Variants in SLC4A10 observed in about 807,000 individuals in gnomAD.
SLC4A10 encodes the protein solute carrier family 4 member 10, also known as sodium-driven chloride bicarbonate exchanger.
In SLC4A10, 42 loss-of-function variants were observed where a neutral mutation model predicts 137.7. That is an observed-to-expected ratio of 0.30 (90% confidence interval 0.24 to 0.39). The LOEUF (loss-of-function observed/expected upper bound fraction) is 0.39, where lower values mean the gene tolerates loss of function less well. Ranked by LOEUF, SLC4A10 falls within the 10% of genes least tolerant of loss-of-function variation. The probability of loss-of-function intolerance (pLI) is 1.00; values close to 1 mark genes in which losing one functional copy is unlikely to be tolerated. For synonymous variants in SLC4A10, 474 were observed against 464.1 expected (o/e 1.02, Z -0.27); for missense variants, 925 against 1,355.0 (o/e 0.68, Z 4.98).
At chr2:161,972,431 G>A (rs1698702905) in intron 23 of SLC4A10, among the ~76,000 whole-genome samples, 1 of 152,050 alleles carries the variant, frequency 6.6e-6, no homozygotes, top group Non-Finnish European at 1.5e-5. Context: ...CTCAATCTAG[G>A]CTGCAGATCA....
At chr2:161,932,487 A>G (rs1408382697) in intron 15 of SLC4A10, among the ~76,000 whole-genome samples, 1 of 152,226 alleles carries the variant, frequency 6.6e-6, no homozygotes, top group Non-Finnish European at 1.5e-5. Context: ...TGGACATGCT[A>G]CTGAGCTTTA....
At position 161,667,371 on chromosome 2, in the gene SLC4A10, G is replaced by T. The variant is rs369885873; in HGVS notation, c.48+42805G>T. On this transcript the variant is annotated intron_variant, in intron 1 of 26. Transcript: ENST00000446997. ...AAACTAATGTCTCTGCCTTCCAAGG[G>T]CTTAGACTCTAGTGGGGAAGACAAG... 1.3e-3 allele frequency among the ~76,000 whole-genome samples: 191 copies of T among 151,730 alleles called. 1 individual carries two copies. The highest frequency in any genetic ancestry group is 2.9e-3 in the Admixed American group (44 of 15,190).
rs2060521133 is a variant in SLC4A10, at chr2:161,863,022, T to G, written c.726T>G (p.Ile242Met). 6.2e-7 allele frequency: 1 copy of G among 1,613,812 alleles called. No homozygotes were observed. The highest frequency in any genetic ancestry group is 1.7e-5 in the Admixed American group (1 of 59,986). ...RIPIVRSFAD[I>M]GKKQSEPNSM... ...CCATTGTTCGTTCCTTTGCTGATAT[T>G]GGCAAGAAACAGTCAGAACCAAATT... The change falls in exon 6 of 27, where the codon ATT becomes ATG. Residue 242 changes from isoleucine (I) to methionine (M), a missense_variant. By Grantham distance (10) the Ile-to-Met change is conservative. This residue lies in a region of SLC4A10 where 277 missense variants were observed against 306.1 expected (regional missense o/e 0.90). Coordinates refer to ENST00000446997, the MANE Select transcript of SLC4A10 (RefSeq NM_001178015.2).
chr2:161,873,968 G>A lies in SLC4A10; in HGVS notation c.911G>A (p.Arg304Lys), dbSNP rs1332160021. ...GHTSPCGMKQ[R>K]HEKGPPHQQE... ...ACTAGTCCATGTGGGATGAAACAAA[G>A]GCATGAAAAAGGACCTCCACACCAG... Residue 304 changes from arginine (R) to lysine (K), a missense_variant, in exon 8 of 27, where the codon AGG becomes AAG. Transcript: ENST00000446997. 11 of 1,594,540 alleles carry A rather than the reference G, an allele frequency of 6.9e-6. No homozygotes were observed. The highest frequency in any genetic ancestry group is 8.5e-6 in the Non-Finnish European group (10 of 1,178,088).
At chr2:161,757,887 A>G (rs1468849435) in intron 1 of SLC4A10, among the ~76,000 whole-genome samples, 1 of 152,130 alleles carries the variant, frequency 6.6e-6, no homozygotes, top group Non-Finnish European at 1.5e-5. Context: ...TCAATTACAT[A>G]CAAACTTAAC....
At chr2:161,705,543 G>A (rs1457337153) in intron 1 of SLC4A10, among the ~76,000 whole-genome samples, 2 of 151,642 alleles carry the variant, frequency 1.3e-5, no homozygotes, top group African/African-American at 4.8e-5. Context: ...TGGTCTGAAT[G>A]TTCTTGCATC....
At chr2:161,634,784 C>A (rs939261433) in intron 1 of SLC4A10, among the ~76,000 whole-genome samples, 1 of 151,890 alleles carries the variant, frequency 6.6e-6, no homozygotes, top group African/African-American at 2.4e-5. Flanking sequence ...CTGTACTGTA[C>A]AATAGAACAC....
At chr2:161,930,912 T>C (rs191357739) in intron 15 of SLC4A10, among the ~76,000 whole-genome samples, 116 of 143,414 alleles carry the variant, frequency 8.1e-4, no homozygotes, top group Admixed American at 3.2e-3. Context: ...TGTTTTTGTT[T>C]TGTTTTGTTT....
At chr2:161,980,439 G>A (rs543004839) in intron 26 of SLC4A10, among the ~76,000 whole-genome samples, 11 of 152,202 alleles carry the variant, frequency 7.2e-5, no homozygotes, top group African/African-American at 2.4e-4. Context: ...ACTTGAGCTC[G>A]GGAGCTCAAG....
At position 161,904,880 on chromosome 2, in the gene SLC4A10, G is replaced by A. The variant is rs1430917819; in HGVS notation, c.1722G>A (p.Val574=). ...TILGSTGPVL[V]FEKILFKFCK... ...TAGGCAGTACAGGACCAGTTTTGGT[G>A]TTTGAAAAGATTTTGTTTAAATTTT... is the stretch of plus-strand genomic sequence containing the variant. The change falls in exon 14 of 27, where the codon GTG becomes GTA. Residue 574 remains valine, a synonymous_variant. Coordinates refer to ENST00000446997, the MANE Select transcript of SLC4A10 (RefSeq NM_001178015.2). 1 of 1,613,776 alleles carries A rather than the reference G, an allele frequency of 6.2e-7. No individual in the cohort carries two copies. Among genetic ancestry groups the A allele is most frequent in the African/African-American group, 1.3e-5 (1 of 74,898 alleles).
chr2:161,949,644 G>A (rs73003574), intron 18 of SLC4A10, among the ~76,000 whole-genome samples: 1,644 of 152,016 alleles, frequency 0.011, 28 homozygotes, highest in African/African-American at 0.037. Flanking sequence ...AATTCTGACC[G>A]TGTTACTAAT....
intron 4 of SLC4A10, among the ~76,000 whole-genome samples, chr2:161,845,030 C>T (rs2059406092): frequency 6.6e-6 from 1 of 152,010 alleles, no homozygotes; most frequent in South Asian, 2.1e-4. Flanking sequence ...GCTGTTCAAA[C>T]AAATGTCAGC....
chr2:161,714,502 T>C (rs1224970898), intron 1 of SLC4A10, among the ~76,000 whole-genome samples: 1 of 151,942 alleles, frequency 6.6e-6, no homozygotes, highest in Non-Finnish European at 1.5e-5. Context: ...TATTCCTCCA[T>C]GAAACTACTC....
chr2:161,666,863 A>C (rs1427728147), intron 1 of SLC4A10, among the ~76,000 whole-genome samples: 1 of 151,656 alleles, frequency 6.6e-6, no homozygotes, highest in Non-Finnish European at 1.5e-5. Context: ...GCCATGAACC[A>C]TTTAATAGTA....
At chr2:161,828,539 A>T (rs1456062105) in intron 3 of SLC4A10, among the ~76,000 whole-genome samples, 2 of 147,786 alleles carry the variant, frequency 1.4e-5, no homozygotes, top group African/African-American at 4.9e-5. Context: ...GCTTATTTTT[A>T]TTTGTATATA....
intron 2 of SLC4A10, among the ~76,000 whole-genome samples, chr2:161,780,255 A>C (rs1395320611): frequency 6.6e-6 from 1 of 152,080 alleles, no homozygotes; most frequent in East Asian, 1.9e-4. Flanking sequence ...ATATATCTCC[A>C]CATAACCAGA....
chr2:161,950,055 A>G (rs1694521707), intron 18 of SLC4A10, among the ~76,000 whole-genome samples: 1 of 152,034 alleles, frequency 6.6e-6, no homozygotes, highest in South Asian at 2.1e-4. Context: ...GAATCATCTC[A>G]GACAGCAGCC....
chr2:161,899,454 C>T (rs765026989), intron 11 of SLC4A10, among the ~76,000 whole-genome samples: 33 of 152,002 alleles, frequency 2.2e-4, no homozygotes, highest in Middle Eastern at 3.2e-3. Flanking sequence ...AAAATACATA[C>T]GAGAACAATG....
intron 3 of SLC4A10, among the ~76,000 whole-genome samples, chr2:161,807,333 T>G (rs570194583): frequency 6.6e-6 from 1 of 152,286 alleles, no homozygotes; most frequent in African/African-American, 2.4e-5. Context: ...TTCGTAGTTG[T>G]TAAAAGGTTC....
Sources: allele counts gnomAD v4.1 joint callset (sites outside exome capture counted in the v4.1 genomes callset), GRCh38; gene constraint gnomAD v4.1.1; regional missense constraint gnomAD v4.1.1; transcripts MANE v1.5; gene names NCBI Gene and HGNC (gene_info 2026-07-23, HGNC 2026-07-21).